EP400: variants seen among roughly 807,000 people sequenced by gnomAD.
EP400 encodes E1A binding protein p400, also known as E1A-binding protein p400.
Under a neutral mutation model 354.1 loss-of-function variants are expected in EP400, and 105 were observed. That is an observed-to-expected ratio of 0.30 (90% CI 0.25 to 0.35). The LOEUF (loss-of-function observed/expected upper bound fraction) is 0.35. EP400 is among the 10% of genes least tolerant of loss of function. EP400 has a pLI of 1.00. For missense variants in EP400, 3,280 were observed against 4,121.0 expected (o/e 0.80, Z 5.59); for synonymous variants, 1,646 against 1,716.9 (o/e 0.96, Z 1.02).
chr12:132,041,566 G>T (rs1474987671), intron 32 of EP400, among the ~76,000 whole-genome samples: 1 of 152,196 alleles, frequency 6.6e-6, no homozygotes, highest in African/African-American at 2.4e-5. Context: ...CCGTTTATCA[G>T]ATCTGCAGCT....
chr12:131,953,610 T>A (rs1891593515), intron 1 of EP400, among the ~76,000 whole-genome samples: 1 of 152,252 alleles, frequency 6.6e-6, no homozygotes, highest in South Asian at 2.1e-4. Context: ...CCACTTGGTA[T>A]CATTCGGAAT....
At chr12:131,968,196 C>T (rs1892167652) in intron 2 of EP400, among the ~76,000 whole-genome samples, 1 of 152,128 alleles carries the variant, frequency 6.6e-6, no homozygotes, top group South Asian at 2.1e-4. Flanking sequence ...GAAAGATGTT[C>T]TTCTGTGTTG....
chr12:132,031,376 C>CT (rs756713602), intron 29 of EP400: 5 of 519,114 alleles, frequency 9.6e-6, no homozygotes, highest in South Asian at 2.8e-5. Flanking sequence ...AAGGTGGACT[C>CT]TAACTTTTTC....
chr12:131,984,892 G>T (rs1400478372), intron 5 of EP400, among the ~76,000 whole-genome samples: 1 of 151,612 alleles, frequency 6.6e-6, no homozygotes, highest in African/African-American at 2.4e-5. Flanking sequence ...GCAGAGAAAT[G>T]ATTTATTTCA....
Position 132,013,021 on chromosome 12 carries a change from C to T in EP400, c.3454C>T (p.Pro1152Ser), listed in dbSNP as rs775451134. The change falls in exon 17 of 53, where the codon CCC (proline) becomes TCC (serine). Residue 1152 changes from proline to serine, a missense_variant. Pro to Ser is a moderately conservative substitution (Grantham distance 74). Transcript: ENST00000389561. This position sits in a 1 kb window ranked among gnomAD's most constrained non-coding sequence, Gnocchi z 4.5. ...LKAKRQEWAE[P>S]NSFHVCITSY... ...CTCTGTGCTGCAGGAGTGGGCCGAACCCAACAGCTTCCACGTCTGCATCAC... is the reference window on the plus strand; with the variant it reads ...CTCTGTGCTGCAGGAGTGGGCCGAATCCAACAGCTTCCACGTCTGCATCAC... 3 of 1,611,376 alleles carry T rather than the reference C, an allele frequency of 1.9e-6. No individual in the cohort carries two copies. The highest frequency in any genetic ancestry group is 2.5e-6 in the Non-Finnish European group (3 of 1,178,712).
intron 10 of EP400, among the ~76,000 whole-genome samples, 189 bp from the exon 11 acceptor site, chr12:131,991,984 T>G (rs1893052471): frequency 6.6e-6 from 1 of 152,214 alleles, no homozygotes; most frequent in Non-Finnish European, 1.5e-5. Context: ...CAGTGACAGC[T>G]GAACACAGTG....
Position 131,961,723 on chromosome 12 carries a change from C to T in EP400, c.1104C>T (p.Cys368=), listed in dbSNP as rs754232405. The part of the protein sequence containing the change: ...SPEMAQMRKQ[C]LDYHYQEMQA... ...AGATGGCACAGATGAGGAAGCAGTG[C>T]CTGGACTATCATTACCAGGAGATGC... is the stretch of plus-strand genomic sequence containing the variant. The change falls in exon 2 of 53, where the codon TGC becomes TGT. Residue 368 remains cysteine (C), a synonymous_variant. Coordinates refer to ENST00000389561, the MANE Select transcript of EP400 (RefSeq NM_015409.5). 2.5e-6 allele frequency: 4 copies of T among 1,614,236 alleles called. No homozygotes were observed. Among genetic ancestry groups the T allele is most frequent in the Admixed American group, 1.7e-5 (1 of 60,028 alleles).
At chr12:132,021,445 G>A (rs1026500583) in intron 23 of EP400, 124 bp downstream of exon 23, 21 of 1,344,900 alleles carry the variant, frequency 1.6e-5, no homozygotes, top group African/African-American at 1.5e-4. Context: ...CCCCATGCCC[G>A]GTGCTGCCTC....
chr12:132,055,224 C>T lies in EP400; in HGVS notation c.7884+16C>T, dbSNP rs541508206. 1 of 1,536,894 alleles carries T rather than the reference C, an allele frequency of 6.5e-7. No individual in the cohort carries two copies. The highest frequency in any genetic ancestry group is 8.8e-7 in the Non-Finnish European group (1 of 1,139,442). On this transcript the variant is annotated intron_variant, in intron 45 of 52. Coordinates refer to ENST00000389561, the MANE Select transcript of EP400 (RefSeq NM_015409.5). Reference sequence around the variant, plus strand: ...GGCCTTGACTGTGAGTTGCGCTTCACCTGGGTTGTGCACCTTGACTGCATT... The same window carrying T: ...GGCCTTGACTGTGAGTTGCGCTTCATCTGGGTTGTGCACCTTGACTGCATT...
chr12:132,000,504 C>T (rs1274849366), intron 12 of EP400, among the ~76,000 whole-genome samples: 1 of 152,196 alleles, frequency 6.6e-6, no homozygotes, highest in Non-Finnish European at 1.5e-5. Flanking sequence ...CAGTTCTTAT[C>T]CTTACTGATT....
intron 10 of EP400, among the ~76,000 whole-genome samples, chr12:131,991,763 T>A (rs573881788): frequency 6.6e-6 from 1 of 151,666 alleles, no homozygotes; most frequent in Non-Finnish European, 1.5e-5. Flanking sequence ...TTTTTTTGTA[T>A]TTTAGTAGAG....
rs777043204 is a variant in EP400 at position 132,077,629 on chromosome 12, C to T, written c.9328C>T (p.Pro3110Ser). ...GCAGCCCAAGTTACAGATGAGGGTC[C>T]CTGCTGTCAGGCTAAAGACACCTAC... ...SQQPKLQMRV[P>S]AVRLKTPTKP... Residue 3110 changes from proline (P) to serine (S), a missense_variant, in exon 53 of 53, where the codon CCT becomes TCT. Pro to Ser is a moderately conservative substitution (Grantham distance 74, BLOSUM62 -1). This residue lies in a region of EP400 where 279 missense variants were observed against 386.7 expected (regional missense o/e 0.72). Transcript: ENST00000389561. 2 of 1,613,684 alleles carry T rather than the reference C, an allele frequency of 1.2e-6. No individual in the cohort carries two copies. The highest frequency in any genetic ancestry group is 1.7e-6 in the Non-Finnish European group (2 of 1,179,858).
intron 13 of EP400, among the ~76,000 whole-genome samples, 197 bp downstream of exon 13, chr12:132,005,381 G>A (rs907158494): frequency 1.3e-5 from 2 of 151,980 alleles, no homozygotes; most frequent in African/African-American, 4.8e-5. Flanking sequence ...ACAGTTATCG[G>A]GGCACTTGAT....
At chr12:132,024,265 C>G (rs1894222848) in intron 24 of EP400, among the ~76,000 whole-genome samples, 1 of 152,136 alleles carries the variant, frequency 6.6e-6, no homozygotes, top group Admixed American at 6.5e-5. Flanking sequence ...CCAAGCTACT[C>G]AGGAGGCTGA....
chr12:131,973,367 C>G (rs1206622356), intron 2 of EP400, among the ~76,000 whole-genome samples: 1 of 152,146 alleles, frequency 6.6e-6, no homozygotes, highest in Non-Finnish European at 1.5e-5. Context: ...CTTTGCAAGC[C>G]CTGTTAACCA....
Position 132,062,268 on chromosome 12 carries a change from C to G in EP400, c.8043C>G (p.Thr2681=). The change falls in exon 46 of 53, where the codon ACC becomes ACG. Residue 2681 remains threonine (T), a synonymous_variant. Transcript: ENST00000389561. ...TGACAGCCTCGGCCGTGGTCACTAC[C>G]AACCTGACCCCAGTGCAGACCCCGG... The part of the protein sequence containing the change: ...TSVTASAVVT[T]NLTPVQTPAR... 6.2e-7 allele frequency: 1 copy of G among 1,614,212 alleles called. No homozygotes were observed. Among genetic ancestry groups the G allele is most frequent in the Non-Finnish European group, 8.5e-7 (1 of 1,180,038 alleles).
chr12:132,045,576 C>T lies in EP400; in HGVS notation c.7026+16C>T, dbSNP rs1895066425. The T allele has an allele frequency of 6.2e-7, 1 of 1,612,946 alleles. No individual in the cohort carries two copies. Among genetic ancestry groups the T allele is most frequent in the Non-Finnish European group, 8.5e-7 (1 of 1,179,240 alleles). On this transcript the variant is annotated intron_variant, in intron 38 of 52. Coordinates refer to ENST00000389561, the MANE Select transcript of EP400 (RefSeq NM_015409.5). ...GCTGCTGCAGGTAGGTGGGCGTGGT[C>T]TTTGTGCCAGCGGTCATGTGCGGTC...
chr12:132,055,050 G>C, intron 44 of EP400, 31 bp downstream of exon 44: 1 of 1,613,870 alleles, frequency 6.2e-7, no homozygotes. Context: ...CTGAAATGTG[G>C]ACCCCATTTC....
At position 132,027,101 on chromosome 12, in the gene EP400, G is replaced by A. The variant is rs1894333687; in HGVS notation, c.5015-336G>A. Among the ~76,000 whole-genome samples the A allele has an allele frequency of 6.6e-6, 1 of 152,202 alleles. No individual in the cohort carries two copies. The highest frequency in any genetic ancestry group is 2.4e-5 in the African/African-American group (1 of 41,460). ...TAGGAGGTGGCCATGTGCTGATGGC[G>A]ATGGGGTACCCAGGGCCTCGGAGGT... is the stretch of plus-strand genomic sequence containing the variant. On this transcript the variant is annotated intron_variant, in intron 25 of 52. Transcript: ENST00000389561. The surrounding 1 kb of genome is among the most constrained non-coding windows in gnomAD (Gnocchi z 4.9).
Sources: gnomAD v4.1 joint callset for allele counts (sites outside exome capture counted in the v4.1 genomes callset) on GRCh38, gnomAD v4.1.1 for gene constraint, gnomAD v4.1.1 regional missense constraint, Gnocchi (gnomAD v3.1) non-coding constraint, MANE v1.5 for transcripts, NCBI Gene and HGNC (gene_info 2026-07-23, HGNC 2026-07-21) for gene names.